ANO3: variants seen among roughly 807,000 people sequenced by gnomAD.
ANO3 encodes anoctamin 3, also known as anoctamin-3.
ANO3 carries 99 observed loss-of-function variants against 144.8 expected under a neutral mutation model. The ratio of observed to expected loss-of-function variants is 0.68; its 90% CI spans 0.58 to 0.81. The LOEUF (loss-of-function observed/expected upper bound fraction) is 0.81, where lower values mean the gene tolerates loss of function less well. Among genes scored for constraint, ANO3 ranks in the 30% least tolerant of loss-of-function variants. The pLI is 0.00. For synonymous variants in ANO3, 414 were observed against 392.6 expected (o/e 1.05, Z -0.64); for missense variants, 905 against 1,202.2 (o/e 0.75, Z 3.66).
chr11:26,493,952 A>G, intron 4 of ANO3, among the ~76,000 whole-genome samples: 1 of 152,224 alleles, frequency 6.6e-6, no homozygotes, highest in East Asian at 1.9e-4. Flanking sequence ...GGTTTAATTT[A>G]AGCTAAGATG....
intron 1 of ANO3, among the ~76,000 whole-genome samples, chr11:26,351,966 A>G (rs1469089088): frequency 6.6e-6 from 1 of 152,226 alleles, no homozygotes; most frequent in Admixed American, 6.5e-5. Context: ...ACAGCCAAGT[A>G]GCAATAGCCC....
intron 20 of ANO3, 113 bp downstream of exon 20, chr11:26,635,183 G>A (rs1196639250): frequency 2.2e-6 from 2 of 890,448 alleles, no homozygotes; most frequent in African/African-American, 3.3e-5. Context: ...GGATATTGAA[G>A]ACGACACATT....
chr11:26,544,251 C>CACATATATATATATAT (rs1183023481), intron 11 of ANO3, among the ~76,000 whole-genome samples: 1,919 of 37,982 alleles, frequency 0.051, 141 homozygotes, highest in Non-Finnish European at 0.057. Flanking sequence ...TTTCATTATA[C>CACATATATATATATAT]ATATATATAT....
At chr11:26,268,157 T>C (rs1853356408) in intron 1 of ANO3, among the ~76,000 whole-genome samples, 2 of 152,182 alleles carry the variant, frequency 1.3e-5, no homozygotes, top group Non-Finnish European at 2.9e-5. Context: ...CATGAATAAA[T>C]AAATAGTTGG....
chr11:26,349,154 C>T (rs1166314299), intron 1 of ANO3, among the ~76,000 whole-genome samples: 6 of 152,188 alleles, frequency 3.9e-5, no homozygotes, highest in African/African-American at 1.2e-4. Context: ...AGTAATTGAT[C>T]GCAACTCAGT....
chr11:26,553,160 C>A, intron 12 of ANO3, 89 bp from the exon 13 acceptor site: 1 of 947,764 alleles, frequency 1.1e-6, no homozygotes, highest in Non-Finnish European at 1.7e-6. Context: ...TTGCTGGTTC[C>A]AACAGGATTT....
At chr11:26,359,975 ATATT>A (rs949334013) in intron 1 of ANO3, among the ~76,000 whole-genome samples, 1 of 102,892 alleles carries the variant, frequency 9.7e-6, no homozygotes, top group African/African-American at 3.3e-5. Context: ...CATAAATTTT[ATATT>A]TATATGTAAA....
intron 1 of ANO3, among the ~76,000 whole-genome samples, chr11:26,406,511 A>C (rs1251630796): frequency 6.6e-6 from 1 of 151,858 alleles, no homozygotes; most frequent in African/African-American, 2.4e-5. Context: ...GGTCCTTGGA[A>C]AACCAGTTTG....
intron 1 of ANO3, among the ~76,000 whole-genome samples, chr11:26,197,111 G>T (rs1383295558): frequency 6.6e-6 from 1 of 152,040 alleles, no homozygotes; most frequent in Non-Finnish European, 1.5e-5. Flanking sequence ...GGCATACCCT[G>T]GCTCCTCCTC....
At chr11:26,264,796 A>C (rs1418495120) in intron 1 of ANO3, among the ~76,000 whole-genome samples, 1 of 152,058 alleles carries the variant, frequency 6.6e-6, no homozygotes, top group East Asian at 1.9e-4. Flanking sequence ...CATTTTTTAT[A>C]TAAGACAATA....
At chr11:26,449,087 G>A (rs1020028712) in intron 3 of ANO3, among the ~76,000 whole-genome samples, 2 of 152,030 alleles carry the variant, frequency 1.3e-5, no homozygotes, top group African/African-American at 2.4e-5. Context: ...ACAGAATCTG[G>A]GTCTGGTCTC....
At chr11:26,242,273 C>A (rs550459373) in intron 1 of ANO3, among the ~76,000 whole-genome samples, 1 of 152,150 alleles carries the variant, frequency 6.6e-6, no homozygotes, top group African/African-American at 2.4e-5. Context: ...ATGTAATATG[C>A]ACTTCCTGTC....
At chr11:26,481,100 G>A (rs1196136856) in intron 4 of ANO3, among the ~76,000 whole-genome samples, 3 of 151,896 alleles carry the variant, frequency 2.0e-5, no homozygotes, top group Non-Finnish European at 4.4e-5. Context: ...CATAGTAATT[G>A]CACCATAAAG....
chr11:26,498,406 ATAAG>A (rs945780298), intron 4 of ANO3, among the ~76,000 whole-genome samples: 13 of 151,638 alleles, frequency 8.6e-5, no homozygotes, highest in African/African-American at 3.1e-4. Context: ...CAGACTTGTT[ATAAG>A]TAAGATTTTA....
chr11:26,436,762 GA>G, intron 1 of ANO3, among the ~76,000 whole-genome samples: 1 of 152,048 alleles, frequency 6.6e-6, no homozygotes, highest in Non-Finnish European at 1.5e-5. Flanking sequence ...CTAAGACTGT[GA>G]AAGAACAAAG....
intron 1 of ANO3, among the ~76,000 whole-genome samples, chr11:26,379,463 G>A (rs546340919): frequency 6.6e-6 from 1 of 152,208 alleles, no homozygotes; most frequent in South Asian, 2.1e-4. Context: ...AGAGATGACT[G>A]TGGCTTGGTG....
intron 14 of ANO3, among the ~76,000 whole-genome samples, chr11:26,588,715 A>G (rs1038772123): frequency 1.6e-5 from 1 of 62,640 alleles, no homozygotes; most frequent in African/African-American, 4.8e-5. Context: ...TAAATGTTGT[A>G]CACTACATTA....
At position 26,508,205 on chromosome 11, in the gene ANO3, T is replaced by C. The variant is rs201744356; in HGVS notation, c.534T>C (p.Asp178=). 60 of 1,605,342 alleles carry C rather than the reference T, an allele frequency of 3.7e-5. No individual in the cohort carries two copies. Among genetic ancestry groups the C allele is most frequent in the Non-Finnish European group, 4.9e-5 (58 of 1,177,534 alleles). Residue 178 remains aspartate, a synonymous_variant, in exon 5 of 27, where the codon GAT becomes GAC. Transcript: ENST00000256737. ...ATAGAAAGACAAATATACAATATGA[T>C]AAAAGAAACACATTTGAAAAGAACC... ...LVYRKTNIQY[D]KRNTFEKNLR...
intron 14 of ANO3, among the ~76,000 whole-genome samples, chr11:26,591,120 G>A (rs949604322): frequency 4.0e-5 from 6 of 151,788 alleles, no homozygotes; most frequent in African/African-American, 9.7e-5. Flanking sequence ...TACAAGCCCC[G>A]TGTTTAAAGG....
Sources: allele counts gnomAD v4.1 joint callset (sites outside exome capture counted in the v4.1 genomes callset), GRCh38; gene constraint gnomAD v4.1.1; transcripts MANE v1.5; gene names NCBI Gene and HGNC (gene_info 2026-07-23, HGNC 2026-07-21).